Variants in DTNB observed in about 807,000 individuals in gnomAD.
DTNB encodes the protein DTN-B.
In DTNB, 63 loss-of-function variants were observed where a neutral mutation model predicts 90.7. That is an observed-to-expected ratio of 0.69 (90% CI 0.57 to 0.86). The LOEUF (loss-of-function observed/expected upper bound fraction) is 0.86. Ranked by LOEUF, DTNB falls within the 40% of genes least tolerant of loss-of-function variation. The pLI is 0.00. For synonymous variants in DTNB, 277 were observed against 286.7 expected, an observed-to-expected ratio of 0.97 and a Z score of 0.34; for missense variants, 744 against 807.1, an observed-to-expected ratio of 0.92 and a Z score of 0.95.
Position 25,607,242 on chromosome 2 carries a change from A to G in DTNB, c.442T>C (p.Leu148=). 2 of 1,598,830 alleles carry G rather than the reference A, an allele frequency of 1.3e-6. No individual in the cohort carries two copies. The highest frequency in any genetic ancestry group is 1.7e-6 in the Non-Finnish European group (2 of 1,172,130). ...ATAATATGAAAATACTTACATCTCA[A>G]TTTGTCCAGCATTTTTCCACCACAC... ...TMCGGKMLDK[L]RYVFSQMSDS... The change falls in exon 5 of 21, where the codon TTG becomes CTG. Residue 148 remains leucine, a synonymous_variant. Coordinates refer to ENST00000406818, the MANE Select transcript of DTNB (RefSeq NM_021907.5).
intron 3 of DTNB, among the ~76,000 whole-genome samples, chr2:25,634,340 G>C (rs2076610828): frequency 7.5e-6 from 1 of 133,042 alleles, no homozygotes; most frequent in Non-Finnish European, 1.7e-5. Context: ...AGGTGGGGGG[G>C]TCAGCCCCCC....
At chr2:25,506,969 T>C (rs1050590329) in intron 9 of DTNB, among the ~76,000 whole-genome samples, 19 of 152,150 alleles carry the variant, frequency 1.2e-4, no homozygotes, top group Non-Finnish European at 2.8e-4. Flanking sequence ...GTTTAGAAAT[T>C]TTAGAAATTG....
At chr2:25,540,225 A>C (rs2080885499) in intron 8 of DTNB, among the ~76,000 whole-genome samples, 1 of 152,244 alleles carries the variant, frequency 6.6e-6, no homozygotes, top group African/African-American at 2.4e-5. Flanking sequence ...AAATCTATAG[A>C]TAATTCTGGA....
At chr2:25,582,016 C>G (rs1028032994) in intron 6 of DTNB, among the ~76,000 whole-genome samples, 5 of 152,178 alleles carry the variant, frequency 3.3e-5, no homozygotes, top group African/African-American at 1.2e-4. Context: ...TGTTCTCAGT[C>G]CCACCACTTT....
chr2:25,536,603 G>C (rs1172450587), intron 8 of DTNB, among the ~76,000 whole-genome samples: 3 of 151,974 alleles, frequency 2.0e-5, no homozygotes, highest in Non-Finnish European at 4.4e-5. Context: ...TCAGCAGGCC[G>C]AGGCAAGAGA....
chr2:25,656,713 G>A (rs935389355), intron 1 of DTNB, among the ~76,000 whole-genome samples: 10 of 152,252 alleles, frequency 6.6e-5, no homozygotes, highest in African/African-American at 2.4e-4. Flanking sequence ...CATCCTGTGG[G>A]CATACAGAGA....
chr2:25,644,707 C>T (rs1001656161), intron 2 of DTNB, among the ~76,000 whole-genome samples: 4 of 152,022 alleles, frequency 2.6e-5, no homozygotes, highest in South Asian at 4.1e-4. Flanking sequence ...TTCAGTGGGC[C>T]GAGATTGTGC....
chr2:25,644,569 A>G (rs1490405526), intron 2 of DTNB, among the ~76,000 whole-genome samples: 1 of 152,148 alleles, frequency 6.6e-6, no homozygotes, highest in Non-Finnish European at 1.5e-5. Flanking sequence ...CCTGGCCAAC[A>G]TGGTGAAACC....
intron 10 of DTNB, among the ~76,000 whole-genome samples, chr2:25,465,407 G>T (rs2061614330): frequency 6.6e-6 from 1 of 151,704 alleles, no homozygotes; most frequent in Non-Finnish European, 1.5e-5. Context: ...AGAAACAAAG[G>T]AAGGGGTATG....
chr2:25,535,839 C>T lies in DTNB; in HGVS notation c.877-4242G>A, dbSNP rs184502455. ...GAGGTGCTCCTCACTTCCTCCCAAA[C>T]GGGGCGGCCGGGCAGAGGCGCTCCT... On this transcript the variant is annotated intron_variant, in intron 8 of 20. Transcript: ENST00000406818. Among the ~76,000 whole-genome samples, 134 of 127,454 alleles carry T rather than the reference C, an allele frequency of 1.1e-3. 2 individuals carry two copies. Among genetic ancestry groups the T allele is most frequent in the African/African-American group, 3.9e-3 (125 of 32,400 alleles). The allele number at this position is 127,454 out of a possible 152,430, so 83.6% of individuals were successfully genotyped here. A position where few individuals can be genotyped will look rare whatever the true frequency, so the allele number is the denominator to read the frequency against.
chr2:25,468,464 G>A (rs971845164), intron 10 of DTNB, among the ~76,000 whole-genome samples: 2 of 152,184 alleles, frequency 1.3e-5, no homozygotes, highest in African/African-American at 4.8e-5. Flanking sequence ...CACTGGGTCT[G>A]AGTTTGAAGG....
At chr2:25,536,225 C>T (rs576558509) in intron 8 of DTNB, among the ~76,000 whole-genome samples, 39 of 151,532 alleles carry the variant, frequency 2.6e-4, no homozygotes, top group African/African-American at 3.9e-4. Flanking sequence ...CCAGACGGGG[C>T]GGCCGGGCAG....
At chr2:25,411,308 G>A (rs905238007) in intron 16 of DTNB, among the ~76,000 whole-genome samples, 3 of 151,476 alleles carry the variant, frequency 2.0e-5, no homozygotes, top group African/African-American at 7.3e-5. Flanking sequence ...GCAGTGAGCT[G>A]AGATCATGCC....
chr2:25,565,509 C>G (rs992612841), intron 8 of DTNB, among the ~76,000 whole-genome samples: 1 of 152,056 alleles, frequency 6.6e-6, no homozygotes, highest in African/African-American at 2.4e-5. Flanking sequence ...CTGAGTCTCT[C>G]GAAGGGATTA....
intron 9 of DTNB, among the ~76,000 whole-genome samples, chr2:25,494,832 G>A (rs1269771254): frequency 6.6e-6 from 1 of 151,814 alleles, no homozygotes; most frequent in Non-Finnish European, 1.5e-5. Context: ...CCCATGCTAT[G>A]ACTGGTATTC....
intron 3 of DTNB, among the ~76,000 whole-genome samples, chr2:25,634,023 C>A (rs2076450859): frequency 6.6e-6 from 1 of 152,022 alleles, no homozygotes; most frequent in Non-Finnish European, 1.5e-5. Context: ...CGGCAGCCAC[C>A]CCGTCTGGGA....
intron 1 of DTNB, among the ~76,000 whole-genome samples, chr2:25,656,507 CA>C (rs1423401962): frequency 6.6e-6 from 1 of 152,198 alleles, no homozygotes; most frequent in Non-Finnish European, 1.5e-5. Context: ...CTTAGCCACA[CA>C]ATCTAGAGAT....
chr2:25,514,256 T>C (rs1365741333), intron 9 of DTNB, among the ~76,000 whole-genome samples: 1 of 152,082 alleles, frequency 6.6e-6, no homozygotes, highest in Non-Finnish European at 1.5e-5. Context: ...AGTATGAGGA[T>C]GAGGGGCACA....
chr2:25,669,809 T>G (rs1374616685), intron 1 of DTNB, among the ~76,000 whole-genome samples: 1 of 151,366 alleles, frequency 6.6e-6, no homozygotes, highest in East Asian at 1.9e-4. Context: ...TTTTAAATGG[T>G]GGCACGCAAG....
Sources: allele counts gnomAD v4.1 joint callset (sites outside exome capture counted in the v4.1 genomes callset), GRCh38; gene constraint gnomAD v4.1.1; transcripts MANE v1.5; gene names NCBI Gene and HGNC (gene_info 2026-07-23, HGNC 2026-07-21).